GSE1: variants seen among roughly 807,000 people sequenced by gnomAD.
The protein encoded by GSE1 is Gse1 coiled-coil protein.
A neutral mutation model predicts 112.6 loss-of-function variants in GSE1; 32 were observed. The observed-to-expected ratio is 0.28, with a 90% CI of 0.21 to 0.38. GSE1 has a LOEUF of 0.38. GSE1 is among the 10% of genes least tolerant of loss of function. GSE1 has a pLI of 1.00. For synonymous variants in GSE1, 1,115 were observed against 735.6 expected (o/e 1.52, Z -8.35); for missense variants, 2,348 against 1,699.2 (o/e 1.38, Z -6.71).
At chr16:85,294,819 T>A (rs1036437140) in intron 1 of GSE1, among the ~76,000 whole-genome samples, 1 of 152,096 alleles carries the variant, frequency 6.6e-6, no homozygotes, top group Non-Finnish European at 1.5e-5. Context: ...GGTGGGGATC[T>A]CTTGTGAATT....
At chr16:85,586,421 C>T (rs1034645964) in intron 1 of GSE1, among the ~76,000 whole-genome samples, 1 of 152,226 alleles carries the variant, frequency 6.6e-6, no homozygotes, top group African/African-American at 2.4e-5. Flanking sequence ...TCCTCCAGCC[C>T]CATCTCTCTG....
intron 1 of GSE1, among the ~76,000 whole-genome samples, chr16:85,211,297 T>TG (rs2075220613): frequency 6.7e-6 from 1 of 148,864 alleles, no homozygotes; most frequent in African/African-American, 2.5e-5. Flanking sequence ...TTCAGGCTTG[T>TG]GGTTTTTTTT....
At position 85,311,656 on chromosome 16, in the gene GSE1, G is replaced by A. The variant is rs186930172; in HGVS notation, c.2284-45807G>A. On this transcript the variant is annotated intron_variant, in intron 1 of 2. Coordinates refer to the GSE1 transcript ENST00000637419. This position sits in a 1 kb window ranked among gnomAD's most constrained non-coding sequence, Gnocchi z 4.2. ...CCAGGGCCCCTTGGGCTGTGTACCT[G>A]GGCCTGGTGGCTCTGTCTGTGGCTC... is the stretch of plus-strand genomic sequence containing the variant. Among the ~76,000 whole-genome samples, 10 of 152,274 alleles carry A rather than the reference G, an allele frequency of 6.6e-5. No homozygotes were observed. The highest frequency in any genetic ancestry group is 2.4e-4 in the African/African-American group (10 of 41,556).
At chr16:85,233,165 C>G (rs557131644) in intron 1 of GSE1, among the ~76,000 whole-genome samples, 1 of 152,386 alleles carries the variant, frequency 6.6e-6, no homozygotes, top group African/African-American at 2.4e-5. Flanking sequence ...CCCGACAGTC[C>G]CCCTTGCTGT....
At chr16:85,370,988 G>GC (rs1392988524) in intron 2 of GSE1, among the ~76,000 whole-genome samples, 2 of 152,234 alleles carry the variant, frequency 1.3e-5, no homozygotes, top group Non-Finnish European at 2.9e-5. Context: ...GAGGGCCTGC[G>GC]CCCGGCGGTG....
intron 3 of GSE1, among the ~76,000 whole-genome samples, chr16:85,649,475 G>C (rs1026981242): frequency 6.6e-6 from 1 of 152,302 alleles, no homozygotes; most frequent in African/African-American, 2.4e-5. Flanking sequence ...GGCTCCCAGC[G>C]GAGGCCCCTC....
intron 2 of GSE1, among the ~76,000 whole-genome samples, chr16:85,491,531 GGC>G (rs2051009886): frequency 6.6e-6 from 1 of 152,226 alleles, no homozygotes; most frequent in Non-Finnish European, 1.5e-5. Flanking sequence ...GCTGCCCTCT[GGC>G]AGGGGTGCTG....
At chr16:85,229,084 G>A (rs2075537879) in intron 1 of GSE1, among the ~76,000 whole-genome samples, 1 of 152,252 alleles carries the variant, frequency 6.6e-6, no homozygotes, top group Admixed American at 6.5e-5. Context: ...CTGGGGAGTT[G>A]TGGAGCACAG....
At chr16:85,487,669 A>T (rs999741254) in intron 2 of GSE1, among the ~76,000 whole-genome samples, 3 of 147,972 alleles carry the variant, frequency 2.0e-5, no homozygotes, top group African/African-American at 7.3e-5. Flanking sequence ...TACAACCTTG[A>T]TGGCGACCCC....
chr16:85,661,420 C>G lies in GSE1; in HGVS notation c.1915C>G (p.Arg639Gly), dbSNP rs760863700. ...FCPEKAEEGPRKREPAPLDKY... is the reference protein window; with the variant it reads ...FCPEKAEEGPGKREPAPLDKY... ...CCCGGAGAAAGCAGAGGAGGGGCCA[C>G]GGAAGCGTGAGCCTGCCCCTCTGGA... The change falls in exon 9 of 16, where the codon CGG (arginine) becomes GGG (glycine). Residue 639 changes from arginine (R) to glycine (G), a missense_variant. Transcript: ENST00000253458. The G allele has an allele frequency of 1.9e-6, 3 of 1,612,130 alleles. No individual in the cohort carries two copies. The East Asian group carries it at 6.7e-5, about 36-fold the overall frequency.
At chr16:85,272,452 G>A (rs1337897310) in intron 1 of GSE1, among the ~76,000 whole-genome samples, 1 of 152,166 alleles carries the variant, frequency 6.6e-6, no homozygotes, top group East Asian at 1.9e-4. Flanking sequence ...CCTGGAAAAC[G>A]GTCTGGTTTT....
chr16:85,379,939 C>G (rs924279661), intron 2 of GSE1, among the ~76,000 whole-genome samples: 2 of 152,196 alleles, frequency 1.3e-5, no homozygotes, highest in African/African-American at 4.8e-5. Context: ...CTGCCCCAGA[C>G]AACATCTACC....
At chr16:85,444,434 C>T (rs1230431649) in intron 2 of GSE1, among the ~76,000 whole-genome samples, 4 of 152,154 alleles carry the variant, frequency 2.6e-5, no homozygotes, top group East Asian at 1.9e-4. Flanking sequence ...GGCCTGAGTT[C>T]GCACTGCAGG....
intron 2 of GSE1, among the ~76,000 whole-genome samples, chr16:85,643,811 C>G (rs1446663428): frequency 6.6e-6 from 1 of 152,150 alleles, no homozygotes; most frequent in Non-Finnish European, 1.5e-5. Context: ...GACCCACAGC[C>G]CACCTGGCCA....
intron 1 of GSE1, among the ~76,000 whole-genome samples, chr16:85,303,065 G>A (rs538601233): frequency 6.6e-6 from 1 of 152,358 alleles, no homozygotes; most frequent in East Asian, 1.9e-4. Flanking sequence ...CGCCTGCAGC[G>A]AGGGGGTGAA....
intron 2 of GSE1, among the ~76,000 whole-genome samples, chr16:85,501,005 T>TTTG (rs1193013130): frequency 2.3e-5 from 3 of 131,128 alleles, no homozygotes; most frequent in Non-Finnish European, 3.2e-5. Context: ...TCTGTTTTTT[T>TTTG]TTTTTTTTTT....
chr16:85,344,671 A>G (rs983564892), intron 1 of GSE1, among the ~76,000 whole-genome samples: 7 of 152,120 alleles, frequency 4.6e-5, no homozygotes, highest in African/African-American at 1.4e-4. Context: ...TTTCCATTTC[A>G]CAGATGGGGT....
chr16:85,614,846 G>GA (rs2048269514), intron 1 of GSE1, among the ~76,000 whole-genome samples: 2 of 152,218 alleles, frequency 1.3e-5, no homozygotes, highest in South Asian at 4.1e-4. Flanking sequence ...CCACCAAATG[G>GA]AAAGAGGGCT....
chr16:85,539,547 G>A (rs540202588), intron 2 of GSE1, among the ~76,000 whole-genome samples: 1 of 152,324 alleles, frequency 6.6e-6, no homozygotes, highest in Non-Finnish European at 1.5e-5. Flanking sequence ...TATAACGGTG[G>A]GGGGTGCTTG....
Sources: gnomAD v4.1 joint callset for allele counts (sites outside exome capture counted in the v4.1 genomes callset) on GRCh38, gnomAD v4.1.1 for gene constraint, Gnocchi (gnomAD v3.1) non-coding constraint, MANE v1.5 for transcripts, NCBI Gene and HGNC (gene_info 2026-07-23, HGNC 2026-07-21) for gene names.